The following ATP11A variants were observed in gnomAD, a reference collection of about 807,000 sequenced individuals.
The protein encoded by ATP11A is ATPase phospholipid transporting 11A.
Under a neutral mutation model 154.4 loss-of-function variants are expected in ATP11A, and 81 were observed. The observed-to-expected ratio is 0.52, with a 90% CI of 0.44 to 0.63. The LOEUF is 0.63. Among genes scored for constraint, ATP11A ranks in the 30% least tolerant of loss-of-function variants. The probability of loss-of-function intolerance (pLI) is 0.00; values close to 1 mark genes in which losing one functional copy is unlikely to be tolerated. For missense variants in ATP11A, 1,316 were observed against 1,474.3 expected (o/e 0.89, Z 1.76); for synonymous variants, 623 against 585.9 (o/e 1.06, Z -0.91).
chr13:112,862,097 G>C (rs1361622625), intron 24 of ATP11A, among the ~76,000 whole-genome samples: 2 of 152,268 alleles, frequency 1.3e-5, no homozygotes, highest in Non-Finnish European at 2.9e-5. Context: ...TCAGGCGTAA[G>C]GTGTCACAAG....
chr13:112,722,731 T>C (rs1392342421), intron 1 of ATP11A, among the ~76,000 whole-genome samples: 1 of 152,124 alleles, frequency 6.6e-6, no homozygotes. Context: ...TGAGACAATA[T>C]GAGTGGCCGT....
intron 24 of ATP11A, chr13:112,860,632 G>A (rs2080073520): frequency 1.1e-5 from 6 of 531,260 alleles, no homozygotes; most frequent in Non-Finnish European, 6.5e-6. Context: ...TGCTGCATTT[G>A]GAACATCTGT....
intron 20 of ATP11A, 24 bp downstream of exon 20, chr13:112,856,109 G>C (rs752250982): frequency 1.3e-6 from 2 of 1,599,786 alleles, no homozygotes; most frequent in East Asian, 4.5e-5. Context: ...GTCCTCGATA[G>C]CTGGTGGTCA....
In ATP11A at chr13:112,719,441, C is replaced by T. The variant is rs114075069; in HGVS notation, c.39+28986C>T. Among the ~76,000 whole-genome samples, 192 of 152,186 alleles carry T rather than the reference C, an allele frequency of 1.3e-3. No homozygotes were observed. In the East Asian group the frequency reaches 0.013, roughly 10 times the overall value. ...AGGCTGTGGGAATAATCCCATTTGC[C>T]GAATCAAAATAATGTATCCTTGATT... On this transcript the variant is annotated intron_variant, in intron 1 of 29. Coordinates refer to ENST00000375645, the MANE Select transcript of ATP11A (RefSeq NM_015205.3).
At chr13:112,861,678 G>A (rs1290010135) in intron 24 of ATP11A, among the ~76,000 whole-genome samples, 3 of 152,340 alleles carry the variant, frequency 2.0e-5, no homozygotes, top group South Asian at 2.1e-4. Context: ...GGATCTTGAC[G>A]GCTTGGATCC....
chr13:112,775,082 G>A (rs1361830106), intron 1 of ATP11A, among the ~76,000 whole-genome samples: 3 of 152,278 alleles, frequency 2.0e-5, no homozygotes, highest in Non-Finnish European at 4.4e-5. Flanking sequence ...GTTGCCCGCA[G>A]GGGCCTTGCT....
At chr13:112,782,078 A>G (rs1398151641) in intron 1 of ATP11A, among the ~76,000 whole-genome samples, 1 of 152,238 alleles carries the variant, frequency 6.6e-6, no homozygotes, top group Non-Finnish European at 1.5e-5. Context: ...ACTCATTCCT[A>G]CTTGTGTCGG....
At chr13:112,814,124 C>T (rs1328096944) in intron 5 of ATP11A, among the ~76,000 whole-genome samples, 2 of 151,856 alleles carry the variant, frequency 1.3e-5, no homozygotes, top group Non-Finnish European at 2.9e-5. Flanking sequence ...AATGCAGTGG[C>T]GCAATCTCGG....
chr13:112,789,229 T>G lies in ATP11A; in HGVS notation c.162+3972T>G, dbSNP rs149178225. Among the ~76,000 whole-genome samples the G allele has an allele frequency of 5.7e-3, 752 of 131,336 alleles. 8 individuals carry two copies. Among genetic ancestry groups the G allele is most frequent in the African/African-American group, 0.02 (692 of 34,100 alleles). The allele number at this position is 131,336 out of a possible 152,430, so 86.2% of individuals were successfully genotyped here. On this transcript the variant is annotated intron_variant, in intron 2 of 29. Coordinates refer to ENST00000375645, the MANE Select transcript of ATP11A (RefSeq NM_015205.3). ...GTCCTGATGTGTAGACCCCTGTGGA[T>G]ACCTACTTAATCCACACCGGGTGTC...
chr13:112,834,156 C>T lies in ATP11A; in HGVS notation c.1560-433C>T, dbSNP rs115879281. On this transcript the variant is annotated intron_variant, in intron 14 of 29. Transcript: ENST00000375645. ...AGGCCTGCGCTGGACCTTCGTTCCCCGTCAGTGACTCAAGGGCCTTGGTGT... is the reference window on the plus strand; with the variant it reads ...AGGCCTGCGCTGGACCTTCGTTCCCTGTCAGTGACTCAAGGGCCTTGGTGT... Among the ~76,000 whole-genome samples the T allele has an allele frequency of 4.2e-3, 641 of 152,348 alleles. 2 individuals are homozygous for T. The highest frequency in any genetic ancestry group is 0.015 in the African/African-American group (613 of 41,586).
chr13:112,702,980 T>G (rs1308406732), intron 1 of ATP11A, among the ~76,000 whole-genome samples: 1 of 152,262 alleles, frequency 6.6e-6, no homozygotes, highest in Admixed American at 6.5e-5. Context: ...ATACATTGTT[T>G]ACGACATGAT....
chr13:112,778,565 C>G (rs947261332), intron 1 of ATP11A, among the ~76,000 whole-genome samples: 4 of 152,252 alleles, frequency 2.6e-5, no homozygotes, highest in Non-Finnish European at 5.9e-5. Flanking sequence ...TCCCTGTGAA[C>G]AGCCGCTGGA....
chr13:112,785,094 G>C lies in ATP11A; in HGVS notation c.40-41G>C. The C allele has an allele frequency of 1.4e-6, 2 of 1,415,252 alleles. No individual in the cohort carries two copies. Among genetic ancestry groups the C allele is most frequent in the Non-Finnish European group, 9.3e-7 (1 of 1,076,146 alleles). The allele number at this position is 1,415,252 out of a possible 1,614,324, so 87.7% of individuals were successfully genotyped here. A position where few individuals can be genotyped will look rare whatever the true frequency, so the allele number is the denominator to read the frequency against. On this transcript the variant is annotated intron_variant, in intron 1 of 29. Transcript: ENST00000375645. This position sits in a 1 kb window ranked among gnomAD's most constrained non-coding sequence, Gnocchi z 4.8. ...ACTCTGGGCAAGAGCTTTTGATGCAGGTTCTGAGGCAGCTGCCTAACACCG... is the reference window on the plus strand; with the variant it reads ...ACTCTGGGCAAGAGCTTTTGATGCACGTTCTGAGGCAGCTGCCTAACACCG...
In ATP11A at chr13:112,834,575, C is replaced by T; in HGVS notation, c.1560-14C>T. ...AATCTCAGATTCACCCCGAGGTTTC[C>T]CTTCTCATTGCAGACTTGGCTTTAC... On this transcript the variant is annotated splice_polypyrimidine_tract_variant and intron_variant, in intron 14 of 29. Transcript: ENST00000375645. 3 of 1,598,718 alleles carry T rather than the reference C, an allele frequency of 1.9e-6. No individual in the cohort carries two copies. Among genetic ancestry groups the T allele is most frequent in the Non-Finnish European group, 1.7e-6 (2 of 1,166,198 alleles).
chr13:112,710,825 C>T (rs553142868), intron 1 of ATP11A, among the ~76,000 whole-genome samples: 2 of 152,344 alleles, frequency 1.3e-5, no homozygotes, highest in South Asian at 4.1e-4. Flanking sequence ...TTGGTCTTCA[C>T]CTGCCGTCAC....
chr13:112,811,624 G>A (rs904970597), intron 5 of ATP11A: 3 of 151,966 alleles, frequency 2.0e-5, no homozygotes, highest in African/African-American at 7.3e-5. Context: ...TATTTTTTAA[G>A]AGACAGAGTC....
intron 1 of ATP11A, among the ~76,000 whole-genome samples, chr13:112,711,637 G>A (rs2139566817): frequency 6.6e-6 from 1 of 152,302 alleles, no homozygotes; most frequent in African/African-American, 2.4e-5. Flanking sequence ...CCCGTCAGCG[G>A]GCACCGTGCG....
intron 14 of ATP11A, 131 bp from the exon 15 acceptor site, chr13:112,834,458 T>G (rs1452197198): frequency 1.1e-5 from 7 of 663,416 alleles, no homozygotes; most frequent in Non-Finnish European, 2.7e-6. Context: ...ATAATGCAGT[T>G]TATAATCTCT....
At chr13:112,784,588 A>G (rs970474973) in intron 1 of ATP11A, among the ~76,000 whole-genome samples, 5 of 144,752 alleles carry the variant, frequency 3.5e-5, no homozygotes, top group African/African-American at 1.3e-4. Context: ...CAGTGGTGCT[A>G]TCTCGGTCAC....
Sources: allele counts gnomAD v4.1 joint callset (sites outside exome capture counted in the v4.1 genomes callset), GRCh38; gene constraint gnomAD v4.1.1; non-coding constraint Gnocchi (gnomAD v3.1); transcripts MANE v1.5; gene names NCBI Gene and HGNC (gene_info 2026-07-23, HGNC 2026-07-21).